The following KTN1 variants were observed in gnomAD, a reference collection of about 807,000 sequenced individuals.
KTN1 encodes the protein kinectin.
KTN1 carries 130 observed loss-of-function variants against 222.5 expected under a neutral mutation model. That is an observed-to-expected ratio of 0.58 (90% CI 0.51 to 0.68). The LOEUF (loss-of-function observed/expected upper bound fraction) is 0.68, where lower values mean the gene tolerates loss of function less well. Ranked by LOEUF, KTN1 falls within the 30% of genes least tolerant of loss-of-function variation. The pLI, the probability that KTN1 is intolerant of heterozygous loss-of-function variation, is 0.00. For missense variants in KTN1, 1,508 were observed against 1,500.4 expected, an observed-to-expected ratio of 1.01 and a Z score of -0.08; for synonymous variants, 512 against 496.3, an observed-to-expected ratio of 1.03 and a Z score of -0.42.
chr14:55,634,907 C>T (rs1463887065), intron 9 of KTN1, among the ~76,000 whole-genome samples: 1 of 151,958 alleles, frequency 6.6e-6, no homozygotes, highest in Non-Finnish European at 1.5e-5. Flanking sequence ...GGGAAGACTC[C>T]CTTATAAAAC....
intron 9 of KTN1, among the ~76,000 whole-genome samples, chr14:55,635,341 C>A (rs940709792): frequency 2.6e-5 from 4 of 152,108 alleles, no homozygotes; most frequent in Non-Finnish European, 4.4e-5. Context: ...GGGCAGAAAT[C>A]ATGTAGTTAA....
intron 1 of KTN1, among the ~76,000 whole-genome samples, chr14:55,580,583 C>G (rs1427953050): frequency 6.6e-6 from 1 of 151,556 alleles, no homozygotes; most frequent in Non-Finnish European, 1.5e-5. Context: ...GGGACCTCCT[C>G]GGCCTCGCGG....
At chr14:55,673,542 T>A (rs1413162312) in intron 40 of KTN1, 1 of 227,374 alleles carries the variant, frequency 4.4e-6, no homozygotes, top group Non-Finnish European at 8.5e-6. Context: ...CAGCAGTCTT[T>A]TCTGTGAATA....
intron 25 of KTN1, among the ~76,000 whole-genome samples, 156 bp from the exon 26 acceptor site, chr14:55,652,694 T>C (rs571162150): frequency 1.4e-4 from 22 of 152,334 alleles, no homozygotes; most frequent in East Asian, 3.9e-4. Flanking sequence ...CCACTGCGCC[T>C]GGCCTTGTAT....
chr14:55,596,906 T>C (rs1296602601), intron 1 of KTN1, among the ~76,000 whole-genome samples: 2 of 152,198 alleles, frequency 1.3e-5, no homozygotes, highest in Non-Finnish European at 2.9e-5. Context: ...ATCTGTACTT[T>C]TTGATGTTTT....
At chr14:55,586,509 G>A (rs2033031632) in intron 1 of KTN1, among the ~76,000 whole-genome samples, 1 of 152,116 alleles carries the variant, frequency 6.6e-6, no homozygotes, top group South Asian at 2.1e-4. Flanking sequence ...TTTGTTCAAA[G>A]ACACAAATAT....
chr14:55,663,209 G>T, intron 32 of KTN1: 2 of 203,080 alleles, frequency 9.8e-6, no homozygotes, highest in Non-Finnish European at 2.1e-5. Context: ...TTTCGTTGTT[G>T]GTTTTTATCT....
chr14:55,632,696 A>G (rs1431579142), intron 7 of KTN1, among the ~76,000 whole-genome samples: 15 of 152,194 alleles, frequency 9.9e-5, no homozygotes, highest in Admixed American at 9.8e-4. Context: ...GTTTTATGTT[A>G]TATGTATTTT....
chr14:55,632,792 A>G (rs939849315), intron 7 of KTN1, among the ~76,000 whole-genome samples: 6 of 152,224 alleles, frequency 3.9e-5, no homozygotes, highest in Non-Finnish European at 7.3e-5. Context: ...TTATGGCCCA[A>G]TTTGTAACTT....
chr14:55,675,546 A>T (rs1334173790), intron 40 of KTN1: 1 of 258,274 alleles, frequency 3.9e-6, no homozygotes, highest in African/African-American at 2.2e-5. Context: ...GACTGTTATA[A>T]ATAGTGATAT....
chr14:55,597,072 A>G (rs116836498), intron 1 of KTN1, among the ~76,000 whole-genome samples: 1 of 152,244 alleles, frequency 6.6e-6, no homozygotes, highest in East Asian at 1.9e-4. Flanking sequence ...TGAAAAAAAA[A>G]ATCCAAAGGG....
At chr14:55,602,943 A>T (rs1594781467) in intron 1 of KTN1, among the ~76,000 whole-genome samples, 1 of 152,198 alleles carries the variant, frequency 6.6e-6, no homozygotes, top group African/African-American at 2.4e-5. Flanking sequence ...AGAGAATAGT[A>T]GCATTAGGAA....
chr14:55,621,487 G>A (rs560366128), intron 5 of KTN1, among the ~76,000 whole-genome samples: 191 of 152,264 alleles, frequency 1.3e-3, no homozygotes, highest in African/African-American at 4.4e-3. Context: ...CATGTGGCTG[G>A]CCTCACAATC....
chr14:55,636,327 A>G (rs142147581), intron 9 of KTN1, 122 bp from the exon 10 acceptor site: 5 of 650,244 alleles, frequency 7.7e-6, no homozygotes, highest in African/African-American at 7.4e-5. Context: ...GTAGGAGACT[A>G]GTTGCAATAA....
At chr14:55,597,276 T>C (rs894031065) in intron 1 of KTN1, among the ~76,000 whole-genome samples, 3 of 152,216 alleles carry the variant, frequency 2.0e-5, no homozygotes, top group African/African-American at 7.2e-5. Context: ...TGAGTAAAAG[T>C]CTTCAGGGAA....
intron 1 of KTN1, among the ~76,000 whole-genome samples, chr14:55,588,229 G>A (rs1454977695): frequency 6.6e-6 from 1 of 152,090 alleles, no homozygotes; most frequent in African/African-American, 2.4e-5. Flanking sequence ...ATGCTACTAA[G>A]AAAATCATAA....
At chr14:55,672,267 T>G in intron 37 of KTN1, 1 of 227,818 alleles carries the variant, frequency 4.4e-6, no homozygotes, top group South Asian at 1.2e-4. Flanking sequence ...TTTTTCTCCC[T>G]TTTACTTCAG....
intron 32 of KTN1, chr14:55,661,842 G>T: frequency 3.3e-6 from 1 of 307,132 alleles, no homozygotes; most frequent in South Asian, 1.5e-4. Flanking sequence ...AAATGTTGAA[G>T]CTATAATTAT....
chr14:55,672,756 G>A (rs952946823), intron 38 of KTN1, 55 bp downstream of exon 38: 40 of 1,252,372 alleles, frequency 3.2e-5, no homozygotes, highest in African/African-American at 2.2e-4. Context: ...TAGCATTAAC[G>A]GTTGTCTGAA....
Sources: allele counts gnomAD v4.1 joint callset (sites outside exome capture counted in the v4.1 genomes callset), GRCh38; gene constraint gnomAD v4.1.1; transcripts MANE v1.5; gene names NCBI Gene and HGNC (gene_info 2026-07-23, HGNC 2026-07-21).